The following SGCD variants were observed in gnomAD, a reference collection of about 807,000 sequenced individuals.
The protein encoded by SGCD is sarcoglycan delta.
In SGCD, 18 loss-of-function variants were observed where a neutral mutation model predicts 36.6. That is an observed-to-expected ratio of 0.49 (90% confidence interval 0.34 to 0.73). SGCD has a LOEUF of 0.73. SGCD is among the 30% of genes least tolerant of loss of function. SGCD has a pLI of 0.01. For synonymous variants in SGCD, 133 were observed against 130.6 expected (o/e 1.02, Z -0.12); for missense variants, 387 against 346.7 (o/e 1.12, Z -0.92).
intron 3 of SGCD, among the ~76,000 whole-genome samples, chr5:156,433,294 A>T (rs1753102494): frequency 6.6e-6 from 1 of 152,106 alleles, no homozygotes; most frequent in African/African-American, 2.4e-5. Context: ...TCTCTCTAGT[A>T]AGTTGGGGAG....
chr5:156,287,073 T>C (rs1256640790), intron 3 of SGCD, among the ~76,000 whole-genome samples: 2 of 152,078 alleles, frequency 1.3e-5, no homozygotes, highest in South Asian at 2.1e-4. Context: ...GGTAAACAAA[T>C]AGCACACTCA....
Position 155,872,454 on chromosome 5 carries a change from A to G in SGCD, c.-282+2030A>G, listed in dbSNP as rs1016665582. Among the ~76,000 whole-genome samples, 3 of 152,094 alleles carry G rather than the reference A, an allele frequency of 2.0e-5. No homozygotes were observed. In the South Asian group the frequency reaches 6.2e-4, roughly 31 times the overall value. ...TGCCCCGACATTAAATAATATTTTA[A>G]TGTGAGAAACTTACTTTTAAAAATC... is the stretch of plus-strand genomic sequence containing the variant. On this transcript the variant is annotated intron_variant, in intron 1 of 9. Coordinates refer to the SGCD transcript ENST00000517913.
chr5:155,807,701 A>G, the SGCD span, among the ~76,000 whole-genome samples: 6 of 152,320 alleles, frequency 3.9e-5, no homozygotes, highest in Admixed American at 2.6e-4. Flanking sequence ...TCATTGTTTT[A>G]TGATACAAAG....
At chr5:156,146,027 C>T (rs962119531) in intron 3 of SGCD, among the ~76,000 whole-genome samples, 3 of 152,086 alleles carry the variant, frequency 2.0e-5, no homozygotes, top group Non-Finnish European at 2.9e-5. Context: ...TCCTGGCTAA[C>T]ATGGTGAAAC....
At chr5:156,318,004 T>C (rs1767563312) in intron 3 of SGCD, among the ~76,000 whole-genome samples, 1 of 152,188 alleles carries the variant, frequency 6.6e-6, no homozygotes, top group Admixed American at 6.5e-5. Context: ...TAGTTATTTA[T>C]GAGCAAGTCT....
chr5:156,152,901 T>G (rs1435194830), intron 3 of SGCD, among the ~76,000 whole-genome samples: 1 of 151,622 alleles, frequency 6.6e-6, no homozygotes, highest in Non-Finnish European at 1.5e-5. Context: ...TTTTCTTCTA[T>G]TCACCAAAAA....
At chr5:156,186,093 T>A (rs1012490058) in intron 3 of SGCD, among the ~76,000 whole-genome samples, 2 of 150,746 alleles carry the variant, frequency 1.3e-5, no homozygotes, top group African/African-American at 4.9e-5. Context: ...AAAAAAAAAA[T>A]ACCTATTTCC....
intron 5 of SGCD, 42 bp downstream of exon 5, chr5:156,589,360 G>T (rs761190383): frequency 1.1e-5 from 12 of 1,124,486 alleles, no homozygotes; most frequent in East Asian, 7.6e-5. Flanking sequence ...CCCATGCGAG[G>T]CACTCAGAAT....
chr5:155,885,735 A>G (rs1050133294), intron 1 of SGCD, among the ~76,000 whole-genome samples: 12 of 152,230 alleles, frequency 7.9e-5, no homozygotes, highest in African/African-American at 2.9e-4. Context: ...TTTCAAAATC[A>G]ATGTTCCTTC....
At chr5:156,322,284 C>A (rs1297441720), upstream of SGCD, among the ~76,000 whole-genome samples, 3 of 152,116 alleles carry the variant, frequency 2.0e-5, no homozygotes, top group East Asian at 5.8e-4. Context: ...TAAATGAGAT[C>A]TAAAAAGTCA....
chr5:156,584,042 A>G (rs974504589), intron 4 of SGCD, among the ~76,000 whole-genome samples: 11 of 152,188 alleles, frequency 7.2e-5, no homozygotes, highest in Admixed American at 6.5e-4. Context: ...CCAAGACGCA[A>G]TCCATTAGTA....
Position 156,340,104 on chromosome 5 carries a change from G to C in SGCD, c.4-4385G>C, listed in dbSNP as rs1768567940. Among the ~76,000 whole-genome samples the C allele has an allele frequency of 3.9e-5, 6 of 152,108 alleles. No individual in the cohort carries two copies. The South Asian group carries it at 1.2e-3, about 32-fold the overall frequency. On this transcript the variant is annotated intron_variant, in intron 2 of 8. Coordinates refer to ENST00000337851, the MANE Select transcript of SGCD (RefSeq NM_000337.6). Reference sequence around the variant, plus strand: ...ATAACCTACAAACCCAAGTATTCTGGTTAATTATATTTTCCACAATTCTCA... The same window carrying C: ...ATAACCTACAAACCCAAGTATTCTGCTTAATTATATTTTCCACAATTCTCA...
the SGCD span, among the ~76,000 whole-genome samples, chr5:155,772,901 G>C: frequency 2.6e-5 from 4 of 151,872 alleles, no homozygotes; most frequent in African/African-American, 4.8e-5. Context: ...ATTTTACTAC[G>C]TAAATCAAGT....
rs553971285 is a variant in SGCD at position 156,020,714 on chromosome 5, A to AT, written c.-281-97162dup. On this transcript the variant is annotated intron_variant, in intron 1 of 9. Coordinates refer to the SGCD transcript ENST00000517913. ...TGTGAGCTTCTTGAAGGTAGAACGA[A>AT]TTATTATTACCATCATCATCGCTAG... 2.4e-4 allele frequency among the ~76,000 whole-genome samples: 37 copies of AT among 152,296 alleles called. No individual in the cohort carries two copies. In the South Asian group the frequency reaches 6.8e-3, roughly 28 times the overall value.
At chr5:156,558,088 A>AATATATATATATATATATATATAT (rs67339181) in intron 4 of SGCD, among the ~76,000 whole-genome samples, 20 of 95,566 alleles carry the variant, frequency 2.1e-4, no homozygotes, top group South Asian at 3.3e-4. Flanking sequence ...AGTAAATACA[A>AATATATATATATATATATATATAT]ATATATATAT....
chr5:156,690,987 G>A (rs974853337), intron 7 of SGCD, among the ~76,000 whole-genome samples: 4 of 151,764 alleles, frequency 2.6e-5, no homozygotes, highest in Admixed American at 6.6e-5. Context: ...TGGGTGGATT[G>A]CTTGAGGTCA....
At chr5:156,296,701 G>A (rs58474917) in intron 3 of SGCD, among the ~76,000 whole-genome samples, 2,526 of 152,166 alleles carry the variant, frequency 0.017, 70 homozygotes, top group African/African-American at 0.056. Flanking sequence ...CTTAATTTGT[G>A]GCATAACATA....
chr5:156,069,592 G>C (rs1581076031), intron 1 of SGCD, among the ~76,000 whole-genome samples: 1 of 152,034 alleles, frequency 6.6e-6, no homozygotes, highest in Admixed American at 6.5e-5. Flanking sequence ...GCTTAGGATT[G>C]ACTTGGCAAT....
intron 4 of SGCD, among the ~76,000 whole-genome samples, chr5:156,548,727 A>C (rs1758677461): frequency 6.6e-6 from 1 of 152,144 alleles, no homozygotes; most frequent in Non-Finnish European, 1.5e-5. Flanking sequence ...AGTGACAGGC[A>C]CTGGAGCACA....
Sources: allele counts gnomAD v4.1 joint callset (sites outside exome capture counted in the v4.1 genomes callset), GRCh38; gene constraint gnomAD v4.1.1; transcripts MANE v1.5; gene names NCBI Gene and HGNC (gene_info 2026-07-23, HGNC 2026-07-21).